Variants in RSF1 observed in about 807,000 individuals in gnomAD.
RSF1 encodes remodeling and spacing factor 1.
RSF1 carries 13 observed loss-of-function variants against 145.2 expected under a neutral mutation model. That is an observed-to-expected ratio of 0.09 (90% CI 0.06 to 0.14). The LOEUF (loss-of-function observed/expected upper bound fraction) is 0.14, where lower values mean the gene tolerates loss of function less well. Ranked by LOEUF, RSF1 falls within the 10% of genes least tolerant of loss-of-function variation. RSF1 has a pLI of 1.00. For missense variants in RSF1, 1,517 were observed against 1,718.2 expected, an observed-to-expected ratio of 0.88 and a Z score of 2.07; for synonymous variants, 577 against 592.6, an observed-to-expected ratio of 0.97 and a Z score of 0.38.
chr11:77,853,708 A>C, the RSF1 span, among the ~76,000 whole-genome samples: 10 of 152,248 alleles, frequency 6.6e-5, no homozygotes, highest in East Asian at 1.8e-3. Context: ...TGGGAGGCCA[A>C]AGTGGATGGA....
At chr11:77,817,502 G>C (rs1487172839) in intron 1 of RSF1, among the ~76,000 whole-genome samples, 1 of 152,176 alleles carries the variant, frequency 6.6e-6, no homozygotes, top group African/African-American at 2.4e-5. Context: ...GCAAATTTCG[G>C]CTACCACTGT....
rs564537124 is a variant in RSF1, at chr11:77,762,539, AC to A, written c.279+2058del. ...TCATTTTCTCAAGGTACTTTCTATTACAGTAGGGCTAAGCTACTGGTTATTT... is the reference window on the plus strand; with the variant it reads ...TCATTTTCTCAAGGTACTTTCTATTAAGTAGGGCTAAGCTACTGGTTATTT... On this transcript the variant is annotated intron_variant, in intron 2 of 15. Coordinates refer to ENST00000308488, the MANE Select transcript of RSF1 (RefSeq NM_016578.4). 2.9e-3 allele frequency: 437 copies of A among 152,280 alleles called. 5 individuals are homozygous for A. Among genetic ancestry groups the A allele is most frequent in the African/African-American group, 0.01 (420 of 41,550 alleles). The allele number at this position is 152,280 out of a possible 1,614,324, so 9.4% of individuals were successfully genotyped here.
the RSF1 span, among the ~76,000 whole-genome samples, chr11:77,867,628 G>A: frequency 1.3e-5 from 2 of 152,246 alleles, no homozygotes; most frequent in South Asian, 2.1e-4. Flanking sequence ...GTCTTTGGGA[G>A]CTTCAGTGCT....
At chr11:77,831,187 A>G in the RSF1 span, among the ~76,000 whole-genome samples, 8 of 152,060 alleles carry the variant, frequency 5.3e-5, no homozygotes, top group African/African-American at 1.4e-4. Context: ...CACACCCACA[A>G]TGATGGTTTG....
At chr11:77,710,316 T>C (rs958103918) in intron 5 of RSF1, among the ~76,000 whole-genome samples, 2 of 152,198 alleles carry the variant, frequency 1.3e-5, no homozygotes, top group Non-Finnish European at 2.9e-5. Context: ...TTAAAATCTA[T>C]TTGGCAATTT....
At chr11:77,833,010 T>TATATA in the RSF1 span, among the ~76,000 whole-genome samples, 4 of 32,708 alleles carry the variant, frequency 1.2e-4, no homozygotes, top group African/African-American at 3.5e-4. Flanking sequence ...TATATATATA[T>TATATA]TTTTTTTTTT....
chr11:77,771,116 G>T (rs1182954643), intron 1 of RSF1, among the ~76,000 whole-genome samples: 1 of 152,188 alleles, frequency 6.6e-6, no homozygotes, highest in Non-Finnish European at 1.5e-5. Context: ...GGGACAGAAA[G>T]AGTCAAAACA....
chr11:77,868,935 G>T, the RSF1 span: 1 of 230,146 alleles, frequency 4.3e-6, no homozygotes, highest in Non-Finnish European at 8.7e-6. Flanking sequence ...CAATTCTCTT[G>T]GCAAGAATCT....
Position 77,702,472 on chromosome 11 carries a change from T to C in RSF1, c.757A>G (p.Met253Val), listed in dbSNP as rs772510071. The change falls in exon 6 of 16, where the codon ATG (methionine) becomes GTG (valine). Residue 253 changes from methionine (M) to valine (V), a missense_variant. By Grantham distance (21) the Met-to-Val change is conservative. Transcript: ENST00000308488. ...TCCATAGGCTGCTCCTCACTTTTCA[T>C]CTTTTCACTTTCTTTCTGTTCCTCT... ...KQEEQKESEK[M>V]KSEEQPMDLE... The C allele has an allele frequency of 1.2e-5, 18 of 1,550,400 alleles. No individual in the cohort carries two copies. The highest frequency in any genetic ancestry group is 2.3e-5 in the Admixed American group (1 of 42,612).
the RSF1 span, among the ~76,000 whole-genome samples, chr11:77,842,127 G>T: frequency 1.3e-5 from 2 of 152,036 alleles, no homozygotes; most frequent in African/African-American, 4.8e-5. Flanking sequence ...ACAAATTTTT[G>T]GTTTTGACAG....
the RSF1 span, among the ~76,000 whole-genome samples, chr11:77,857,374 G>C: frequency 1.3e-5 from 2 of 152,294 alleles, no homozygotes; most frequent in African/African-American, 4.8e-5. Context: ...TCTAGATGTA[G>C]AAGTGTAGGA....
chr11:77,768,642 GT>G (rs1948251214), intron 1 of RSF1, among the ~76,000 whole-genome samples: 2 of 152,230 alleles, frequency 1.3e-5, no homozygotes, highest in South Asian at 4.1e-4. Flanking sequence ...ACTGCATAGT[GT>G]AGACCCAGCA....
intron 1 of RSF1, among the ~76,000 whole-genome samples, chr11:77,805,678 AAAC>A (rs1948670613): frequency 6.6e-6 from 1 of 152,240 alleles, no homozygotes; most frequent in Non-Finnish European, 1.5e-5. Flanking sequence ...TAATTCACAA[AAAC>A]AAGAATTGCA....
At position 77,795,132 on chromosome 11, in the gene RSF1, T is replaced by C. The variant is rs538316335; in HGVS notation, c.187+25396A>G. On this transcript the variant is annotated intron_variant, in intron 1 of 15. Transcript: ENST00000308488. ...AAAAATGAAATACCTACAAATACATTTAAACAAGAAGGTAAAAGATCTCTA... is the reference window on the plus strand; with the variant it reads ...AAAAATGAAATACCTACAAATACATCTAAACAAGAAGGTAAAAGATCTCTA... Among the ~76,000 whole-genome samples the C allele has an allele frequency of 7.2e-5, 11 of 151,954 alleles. No individual in the cohort carries two copies. In the South Asian group the frequency reaches 2.3e-3, roughly 32 times the overall value.
the RSF1 span, among the ~76,000 whole-genome samples, chr11:77,864,603 C>A: frequency 6.6e-6 from 1 of 152,116 alleles, no homozygotes; most frequent in African/African-American, 2.4e-5. Flanking sequence ...CTGGAAGCAG[C>A]AACTATGAAA....
intron 2 of RSF1, among the ~76,000 whole-genome samples, chr11:77,751,335 G>A (rs1948060529): frequency 6.6e-6 from 1 of 152,158 alleles, no homozygotes; most frequent in Non-Finnish European, 1.5e-5. Flanking sequence ...TCTCATCCCT[G>A]GGGGCAGCTA....
At chr11:77,843,825 A>T in the RSF1 span, among the ~76,000 whole-genome samples, 1 of 152,274 alleles carries the variant, frequency 6.6e-6, no homozygotes, top group African/African-American at 2.4e-5. Context: ...ATGGACTTAC[A>T]GTTCCACATG....
chr11:77,691,110 T>C (rs754416482), intron 9 of RSF1, 49 bp downstream of exon 9: 2 of 1,516,066 alleles, frequency 1.3e-6, no homozygotes, highest in South Asian at 2.2e-5. Flanking sequence ...AGTGAGACAA[T>C]TCTGCTCTCA....
At chr11:77,715,237 A>G (rs1960779923) in intron 5 of RSF1, among the ~76,000 whole-genome samples, 1 of 152,166 alleles carries the variant, frequency 6.6e-6, no homozygotes, top group South Asian at 2.1e-4. Flanking sequence ...TGGCAAAAAA[A>G]TACAAGAAAG....
Sources: allele counts gnomAD v4.1 joint callset (sites outside exome capture counted in the v4.1 genomes callset), GRCh38; gene constraint gnomAD v4.1.1; transcripts MANE v1.5; gene names NCBI Gene and HGNC (gene_info 2026-07-23, HGNC 2026-07-21).